NELL1: variants seen among roughly 807,000 people sequenced by gnomAD.
NELL1 encodes protein kinase C-binding protein NELL1.
NELL1 carries 76 observed loss-of-function variants against 107.4 expected under a neutral mutation model. The ratio of observed to expected loss-of-function variants is 0.71; its 90% CI spans 0.59 to 0.86. The LOEUF is 0.86. Among genes scored for constraint, NELL1 ranks in the 40% least tolerant of loss-of-function variants. The pLI is 0.00. For missense variants in NELL1, 1,024 were observed against 1,005.5 expected, an observed-to-expected ratio of 1.02 and a Z score of -0.25; for synonymous variants, 353 against 341.2, an observed-to-expected ratio of 1.03 and a Z score of -0.38.
At chr11:21,546,163 C>T (rs1408439690) in intron 16 of NELL1, among the ~76,000 whole-genome samples, 1 of 151,974 alleles carries the variant, frequency 6.6e-6, no homozygotes, top group African/African-American at 2.4e-5. Context: ...TCAATGTTTC[C>T]AGTTACCACT....
At chr11:20,946,473 A>G (rs1054159515) in intron 10 of NELL1, among the ~76,000 whole-genome samples, 1 of 152,220 alleles carries the variant, frequency 6.6e-6, no homozygotes, top group African/African-American at 2.4e-5. Context: ...AAGACCTTGG[A>G]TGAAGTAAGG....
chr11:21,116,806 A>G (rs532358235), intron 13 of NELL1, among the ~76,000 whole-genome samples: 64 of 152,018 alleles, frequency 4.2e-4, no homozygotes, highest in Admixed American at 7.9e-4. Context: ...TGGCCATCAC[A>G]TTGGACTTTC....
chr11:20,990,959 TC>T (rs1394981180), intron 12 of NELL1, among the ~76,000 whole-genome samples: 1 of 148,118 alleles, frequency 6.8e-6, no homozygotes, highest in Non-Finnish European at 1.5e-5. Context: ...TCTGGTGGTT[TC>T]CACTCCTGGA....
At chr11:21,567,013 A>G (rs1856988282) in intron 17 of NELL1, among the ~76,000 whole-genome samples, 1 of 151,834 alleles carries the variant, frequency 6.6e-6, no homozygotes, top group Admixed American at 6.6e-5. Context: ...TCTTTTAATC[A>G]GCACATAGGA....
intron 3 of NELL1, among the ~76,000 whole-genome samples, chr11:20,798,352 A>T (rs1418688869): frequency 5.3e-5 from 8 of 152,216 alleles, no homozygotes; most frequent in African/African-American, 1.7e-4. Context: ...TCTTGCTTGT[A>T]TATGTGCATG....
intron 14 of NELL1, among the ~76,000 whole-genome samples, chr11:21,344,115 C>T (rs893912806): frequency 1.9e-4 from 29 of 152,312 alleles, no homozygotes; most frequent in African/African-American, 7.0e-4. Context: ...TCTGTCTGAG[C>T]ATCTAAGGCT....
At chr11:21,245,631 T>G (rs1443489708) in intron 14 of NELL1, among the ~76,000 whole-genome samples, 1 of 152,186 alleles carries the variant, frequency 6.6e-6, no homozygotes, top group African/African-American at 2.4e-5. Context: ...TCTGTTTCCC[T>G]CACTGGCGTA....
At chr11:21,015,513 C>T (rs1852544627) in intron 12 of NELL1, among the ~76,000 whole-genome samples, 1 of 152,052 alleles carries the variant, frequency 6.6e-6, no homozygotes, top group Non-Finnish European at 1.5e-5. Context: ...TTCTTCTTTT[C>T]ACAATTTGCT....
intron 13 of NELL1, among the ~76,000 whole-genome samples, chr11:21,147,034 A>G (rs2133779971): frequency 6.6e-6 from 1 of 152,230 alleles, no homozygotes; most frequent in Middle Eastern, 3.4e-3. Flanking sequence ...ACAGAGCCAG[A>G]CTCCTTCTCA....
chr11:21,466,758 A>C (rs879827426), intron 15 of NELL1, among the ~76,000 whole-genome samples: 2 of 151,866 alleles, frequency 1.3e-5, no homozygotes, highest in African/African-American at 2.4e-5. Context: ...CCACTAGGAG[A>C]AGTTTTGGAA....
intron 15 of NELL1, among the ~76,000 whole-genome samples, chr11:21,433,358 T>C (rs1168456117): frequency 6.6e-6 from 1 of 152,224 alleles, no homozygotes; most frequent in Non-Finnish European, 1.5e-5. Context: ...TGGTATCTCT[T>C]TGTTATAATG....
chr11:20,986,390 C>T (rs1169713807), intron 12 of NELL1, among the ~76,000 whole-genome samples: 1 of 152,178 alleles, frequency 6.6e-6, no homozygotes. Flanking sequence ...TTTCAGCTGG[C>T]CATTGTCACC....
intron 15 of NELL1, among the ~76,000 whole-genome samples, chr11:21,490,587 G>A (rs965898330): frequency 1.3e-5 from 2 of 151,752 alleles, no homozygotes; most frequent in African/African-American, 4.8e-5. Context: ...GCATGGTTTT[G>A]TTGTAAACAC....
At chr11:21,393,175 CCA>C (rs1851916440) in intron 15 of NELL1, among the ~76,000 whole-genome samples, 1 of 151,472 alleles carries the variant, frequency 6.6e-6, no homozygotes, top group South Asian at 2.1e-4. Context: ...CATCAAGATG[CCA>C]CAGAGATGAG....
rs137930943 is a variant in NELL1 at position 20,765,371 on chromosome 11, C to G, written c.185-18309C>G. On this transcript the variant is annotated intron_variant, in intron 2 of 19. Coordinates refer to ENST00000357134, the MANE Select transcript of NELL1 (RefSeq NM_006157.5). ...ATCCATCCATTTCTCCAATGTCCTTCAGTACCTGCTCTTTGTGCTATGTGT... is the reference window on the plus strand; with the variant it reads ...ATCCATCCATTTCTCCAATGTCCTTGAGTACCTGCTCTTTGTGCTATGTGT... Among the ~76,000 whole-genome samples, 96 of 152,322 alleles carry G rather than the reference C, an allele frequency of 6.3e-4. 1 individual carries two copies. The highest frequency in any genetic ancestry group is 2.2e-3 in the African/African-American group (90 of 41,574).
intron 11 of NELL1, among the ~76,000 whole-genome samples, chr11:20,951,933 A>G (rs890989614): frequency 6.6e-6 from 1 of 152,128 alleles, no homozygotes; most frequent in Admixed American, 6.5e-5. Context: ...CATTAGGTGG[A>G]GAAGGGGAGT....
intron 10 of NELL1, 88 bp from the exon 11 acceptor site, chr11:20,947,248 T>C: frequency 1.2e-6 from 1 of 833,804 alleles, no homozygotes; most frequent in East Asian, 2.4e-5. Flanking sequence ...TTGTTATCAC[T>C]GCAGGCTATT....
intron 12 of NELL1, among the ~76,000 whole-genome samples, chr11:21,074,220 CT>C (rs1416774288): frequency 6.6e-6 from 1 of 152,098 alleles, no homozygotes; most frequent in Non-Finnish European, 1.5e-5. Flanking sequence ...CCTCCCAGAC[CT>C]ACTGAATCAG....
intron 14 of NELL1, among the ~76,000 whole-genome samples, chr11:21,358,236 A>G (rs1401956339): frequency 6.6e-6 from 1 of 152,182 alleles, no homozygotes; most frequent in Non-Finnish European, 1.5e-5. Context: ...TACTTTTGGC[A>G]GTATGTGATT....
Sources: gnomAD v4.1 joint callset for allele counts (sites outside exome capture counted in the v4.1 genomes callset) on GRCh38, gnomAD v4.1.1 for gene constraint, MANE v1.5 for transcripts, NCBI Gene and HGNC (gene_info 2026-07-23, HGNC 2026-07-21) for gene names.